GLIS3: variants seen among roughly 807,000 people sequenced by gnomAD.
GLIS3 encodes the protein GLIS family zinc finger 3.
In GLIS3, 53 loss-of-function variants were observed where a neutral mutation model predicts 78.6. The observed-to-expected ratio is 0.67, with a 90% CI of 0.54 to 0.85. The LOEUF (loss-of-function observed/expected upper bound fraction) is 0.85, where lower values mean the gene tolerates loss of function less well. GLIS3 is among the 40% of genes least tolerant of loss of function. The probability of loss-of-function intolerance (pLI) is 0.00; values close to 1 mark genes in which losing one functional copy is unlikely to be tolerated. For missense variants in GLIS3, 1,703 were observed against 1,231.1 expected (o/e 1.38, Z -5.74); for synonymous variants, 684 against 509.9 (o/e 1.34, Z -4.60).
chr9:4,338,726 T>G (rs1253925508), intron 2 of GLIS3, among the ~76,000 whole-genome samples: 1 of 152,090 alleles, frequency 6.6e-6, no homozygotes, highest in Non-Finnish European at 1.5e-5. Flanking sequence ...GCCAGCCCCA[T>G]GGGAGAAGGA....
At chr9:4,150,895 T>C (rs887602573) in intron 2 of GLIS3, 3 of 152,200 alleles carry the variant, frequency 2.0e-5, no homozygotes, top group African/African-American at 7.2e-5. Flanking sequence ...TCCTACTACT[T>C]TTTTGGGGCT....
chr9:3,857,829 G>C lies in GLIS3; in HGVS notation c.2298-1645C>G, dbSNP rs148017294. ...CCTGGCACTGCCCTGAGAACATCTA[G>C]TAAAACTCATTTGCCAGGATTCCTC... On this transcript the variant is annotated intron_variant, in intron 8 of 10. Coordinates refer to ENST00000381971, the MANE Select transcript of GLIS3 (RefSeq NM_001042413.2). 3.3e-5 allele frequency among the ~76,000 whole-genome samples: 5 copies of C among 152,292 alleles called. No homozygotes were observed. In the East Asian group the frequency reaches 7.7e-4, roughly 23 times the overall value.
intron 4 of GLIS3, among the ~76,000 whole-genome samples, chr9:4,076,956 GGTT>G (rs1392867673): frequency 6.6e-6 from 1 of 152,180 alleles, no homozygotes; most frequent in African/African-American, 2.4e-5. Flanking sequence ...CTACTTGGGA[GGTT>G]GAGGTGGGAG....
intron 2 of GLIS3, among the ~76,000 whole-genome samples, chr9:4,204,774 C>G (rs925023877): frequency 6.6e-6 from 1 of 151,996 alleles, no homozygotes; most frequent in Non-Finnish European, 1.5e-5. Flanking sequence ...ATTAGCCGGG[C>G]GTGGTGGCAG....
chr9:4,274,440 GAGCCTCACT>G lies in GLIS3; in HGVS notation c.388+11589_388+11597del, dbSNP rs1563877630. 1.1e-4 allele frequency among the ~76,000 whole-genome samples: 16 copies of G among 152,186 alleles called. No individual in the cohort carries two copies. The South Asian group carries it at 3.3e-3, about 32-fold the overall frequency. On this transcript the variant is annotated intron_variant, in intron 2 of 10. Coordinates refer to ENST00000381971, the MANE Select transcript of GLIS3 (RefSeq NM_001042413.2). ...AAGCGCAGACCCTCAAAGGTGCCCA[GAGCCTCACT>G]GGCAATTGGGCATATGGGGCACACA...
the GLIS3 span, among the ~76,000 whole-genome samples, chr9:4,380,474 A>G: frequency 6.6e-6 from 1 of 152,238 alleles, no homozygotes; most frequent in Non-Finnish European, 1.5e-5. Flanking sequence ...AAAGAAGATA[A>G]AAATTTAAAT....
intron 2 of GLIS3, among the ~76,000 whole-genome samples, chr9:4,152,387 C>T (rs1165681671): frequency 3.3e-5 from 5 of 152,176 alleles, no homozygotes; most frequent in African/African-American, 4.8e-5. Flanking sequence ...GCTTTAAACA[C>T]AATAACAAGG....
At chr9:4,081,163 A>C (rs766063403) in intron 4 of GLIS3, 1 of 152,202 alleles carries the variant, frequency 6.6e-6, no homozygotes, top group Non-Finnish European at 1.5e-5. Flanking sequence ...CACATCACTA[A>C]GGAATACTGT....
At chr9:4,146,998 T>C (rs1382493904) in intron 2 of GLIS3, among the ~76,000 whole-genome samples, 1 of 152,184 alleles carries the variant, frequency 6.6e-6, no homozygotes, top group African/African-American at 2.4e-5. Flanking sequence ...TTATACCAAA[T>C]TAAAGGCATT....
At chr9:3,938,699 A>G (rs1826030907) in intron 4 of GLIS3, among the ~76,000 whole-genome samples, 1 of 152,172 alleles carries the variant, frequency 6.6e-6, no homozygotes, top group African/African-American at 2.4e-5. Context: ...TTTTGCTTAA[A>G]ATAATTTTGG....
intron 9 of GLIS3, among the ~76,000 whole-genome samples, chr9:3,832,303 G>C (rs946591797): frequency 2.0e-5 from 3 of 151,650 alleles, no homozygotes; most frequent in Admixed American, 1.3e-4. Flanking sequence ...AAAAATAAAA[G>C]TTTATTGAGG....
chr9:4,110,711 C>T (rs1380597047), intron 4 of GLIS3, among the ~76,000 whole-genome samples: 1 of 152,174 alleles, frequency 6.6e-6, no homozygotes, highest in Non-Finnish European at 1.5e-5. Flanking sequence ...CACAGATCCA[C>T]TGTCCAGGGT....
chr9:4,086,217 A>G (rs1052066908), intron 4 of GLIS3, among the ~76,000 whole-genome samples: 1 of 152,172 alleles, frequency 6.6e-6, no homozygotes, highest in Non-Finnish European at 1.5e-5. Context: ...CATGTAATTT[A>G]CTTGTCTCCA....
intron 9 of GLIS3, among the ~76,000 whole-genome samples, chr9:3,850,767 C>T (rs919231030): frequency 6.6e-6 from 1 of 152,218 alleles, no homozygotes; most frequent in Non-Finnish European, 1.5e-5. Flanking sequence ...CCTGTGTACT[C>T]CAGCCATCCC....
At chr9:4,189,546 C>T (rs975743962) in intron 2 of GLIS3, among the ~76,000 whole-genome samples, 20 of 152,024 alleles carry the variant, frequency 1.3e-4, no homozygotes, top group African/African-American at 4.6e-4. Context: ...TCCTGGGTAT[C>T]GTTGTTAACT....
chr9:4,357,712 G>A, the GLIS3 span, among the ~76,000 whole-genome samples: 5 of 152,120 alleles, frequency 3.3e-5, no homozygotes, highest in Non-Finnish European at 4.4e-5. Flanking sequence ...TTTACATTGA[G>A]CATAAGCCTT....
chr9:4,351,145 G>A (rs1421429546), upstream of GLIS3, among the ~76,000 whole-genome samples: 2 of 152,096 alleles, frequency 1.3e-5, no homozygotes, highest in African/African-American at 2.4e-5. Flanking sequence ...CACTTACAGG[G>A]AGCTGGAGAA....
chr9:4,229,086 G>C (rs906866642), intron 2 of GLIS3, among the ~76,000 whole-genome samples: 2 of 152,118 alleles, frequency 1.3e-5, no homozygotes, highest in Non-Finnish European at 2.9e-5. Flanking sequence ...TAAAAAACAA[G>C]GTTCATAACA....
the GLIS3 span, among the ~76,000 whole-genome samples, chr9:4,422,081 A>C: frequency 6.6e-6 from 1 of 152,214 alleles, no homozygotes; most frequent in Non-Finnish European, 1.5e-5. Flanking sequence ...ATTTCTCAAA[A>C]AGTCAATTGT....
Sources: allele counts gnomAD v4.1 joint callset (sites outside exome capture counted in the v4.1 genomes callset), GRCh38; gene constraint gnomAD v4.1.1; transcripts MANE v1.5; gene names NCBI Gene and HGNC (gene_info 2026-07-23, HGNC 2026-07-21).